The following PDK2 variants were observed in gnomAD, a reference collection of about 807,000 sequenced individuals.
PDK2 encodes pyruvate dehydrogenase kinase 2.
Under a neutral mutation model 50.4 loss-of-function variants are expected in PDK2, and 34 were observed. That is an observed-to-expected ratio of 0.68 (90% CI 0.51 to 0.90). The LOEUF is 0.90. Among genes scored for constraint, PDK2 ranks in the 40% least tolerant of loss-of-function variants. PDK2 has a pLI of 0.00. For synonymous variants in PDK2, 232 were observed against 216.0 expected, an observed-to-expected ratio of 1.07 and a Z score of -0.65; for missense variants, 377 against 544.5, an observed-to-expected ratio of 0.69 and a Z score of 3.06.
At position 50,097,788 on chromosome 17, in the gene PDK2, C is replaced by T. The variant is rs138563649; in HGVS notation, c.260+224C>T. 227 of 489,784 alleles carry T rather than the reference C, an allele frequency of 4.6e-4. 1 individual carries two copies. Among genetic ancestry groups the T allele is most frequent in the African/African-American group, 3.6e-3 (190 of 52,278 alleles). The allele number at this position is 489,784 out of a possible 1,614,324, so 30.3% of individuals were successfully genotyped here. The stretch of plus-strand genomic sequence containing the variant: ...TCTCTGTGTCTAGCCCTCTTCTTAC[C>T]ACCCACCTTTCTCTGGAAACACAGG... On this transcript the variant is annotated intron_variant, in intron 2 of 10. Transcript: ENST00000503176.
At chr17:50,105,307 G>T in intron 2 of PDK2, 64 bp from the exon 3 acceptor site, 1 of 1,238,644 alleles carries the variant, frequency 8.1e-7, no homozygotes, top group Admixed American at 2.4e-5. Flanking sequence ...CCAGTTGAAT[G>T]AAGTGGGTGA....
rs375602955 is a variant in PDK2, at chr17:50,111,665, C to G, written c.*1568C>G. 1.6e-4 allele frequency: 24 copies of G among 152,290 alleles called. No homozygotes were observed. Among genetic ancestry groups the G allele is most frequent in the African/African-American group, 5.5e-4 (23 of 41,448 alleles). 9.4% of individuals were successfully genotyped at this position (152,290 alleles called of 1,614,324 possible). ...AGCTGGAGGGGTTTCCAAGCGGGAG[C>G]CCCCAGGCCTCATCGGTAACTCTGA... On this transcript the variant is annotated 3_prime_UTR_variant, in exon 11 of 11. Coordinates refer to ENST00000503176, the MANE Select transcript of PDK2 (RefSeq NM_002611.5).
Position 50,106,673 on chromosome 17 carries a change from A to G in PDK2, c.518-121A>G, listed in dbSNP as rs1910532961. The G allele has an allele frequency of 1.3e-5, 10 of 798,382 alleles. No homozygotes were observed. In the South Asian group the frequency reaches 1.6e-4, roughly 13 times the overall value. 49.5% of individuals were successfully genotyped at this position (798,382 alleles called of 1,614,324 possible). On this transcript the variant is annotated intron_variant, in intron 4 of 10. Coordinates refer to ENST00000503176, the MANE Select transcript of PDK2 (RefSeq NM_002611.5). ...AGAAGCGGGGGAGTGGGGCAGCTTTAGGACTGGAGCCTACAGAGGCATTGG... is the reference window on the plus strand; with the variant it reads ...AGAAGCGGGGGAGTGGGGCAGCTTTGGGACTGGAGCCTACAGAGGCATTGG...
Position 50,105,889 on chromosome 17 carries a change from A to G in PDK2, c.337A>G (p.Thr113Ala). ...AACATCTGCCCTGCCCCACAGGTTC[A>G]CTGACGCCCTGGTCACCATCCGGAA... ...PEDHRTLSQFTDALVTIRNRH... is the reference protein window; with the variant it reads ...PEDHRTLSQFADALVTIRNRH... Residue 113 changes from threonine (T) to alanine (A), a missense_variant, in exon 4 of 11, where the codon ACT becomes GCT. Coordinates refer to ENST00000503176, the MANE Select transcript of PDK2 (RefSeq NM_002611.5). 2.5e-6 allele frequency: 4 copies of G among 1,613,248 alleles called. No homozygotes were observed. Among genetic ancestry groups the G allele is most frequent in the East Asian group, 2.2e-5 (1 of 44,846 alleles).
chr17:50,102,342 C>T (rs910559938), intron 2 of PDK2, among the ~76,000 whole-genome samples: 18 of 152,212 alleles, frequency 1.2e-4, no homozygotes, highest in Non-Finnish European at 1.5e-4. Context: ...GCCACGTGAC[C>T]AGGCCCCATT....
chr17:50,108,930 C>T (rs1297490812), intron 9 of PDK2, among the ~76,000 whole-genome samples: 1 of 152,148 alleles, frequency 6.6e-6, no homozygotes, highest in East Asian at 1.9e-4. Flanking sequence ...CATCTTCCCT[C>T]TCTTCTGTAG....
intron 5 of PDK2, 28 bp downstream of exon 5, chr17:50,106,911 GCA>G: frequency 6.3e-7 from 1 of 1,597,150 alleles, no homozygotes; most frequent in Non-Finnish European, 8.6e-7. Context: ...TGCCTGGCCC[GCA>G]GAGAAGCCCC....
Position 50,109,966 on chromosome 17 carries a change from A to T in PDK2, c.1093A>T (p.Thr365Ser). ...DAVIYLKALS[T>S]DSVERLPVYN... ...CCCTGACACTCCCCAGGCCCTGTCCACGGACTCGGTGGAGCGCCTGCCTGT... is the reference window on the plus strand; with the variant it reads ...CCCTGACACTCCCCAGGCCCTGTCCTCGGACTCGGTGGAGCGCCTGCCTGT... Residue 365 changes from threonine to serine, a missense_variant, in exon 11 of 11, where the codon ACG (threonine) becomes TCG (serine). Physicochemically the swap from Thr to Ser is moderately conservative, Grantham distance 58. Coordinates refer to ENST00000503176, the MANE Select transcript of PDK2 (RefSeq NM_002611.5). This position sits in a 1 kb window ranked among gnomAD's most constrained non-coding sequence, Gnocchi z 5.0. 2 of 1,568,420 alleles carry T rather than the reference A, an allele frequency of 1.3e-6. No homozygotes were observed. Among genetic ancestry groups the T allele is most frequent in the Non-Finnish European group, 1.7e-6 (2 of 1,156,022 alleles).
Position 50,109,363 on chromosome 17 carries a change from T to C in PDK2, c.1046T>C (p.Met349Thr), listed in dbSNP as rs1248422088. 1 of 1,613,482 alleles carries C rather than the reference T, an allele frequency of 6.2e-7. No homozygotes were observed. Among genetic ancestry groups the C allele is most frequent in the South Asian group, 1.1e-5 (1 of 91,018 alleles). ...CAGGGAGACCTGCAGCTCTTCTCCA[T>C]GGAAGGCTTTGGGACCGATGCTGTC... is the stretch of plus-strand genomic sequence containing the variant. ...YFQGDLQLFS[M>T]EGFGTDAVIY... Residue 349 changes from methionine to threonine, a missense_variant, in exon 10 of 11, where the codon ATG becomes ACG. Physicochemically the swap from Met to Thr is moderately conservative, Grantham distance 81. Transcript: ENST00000503176. The surrounding 1 kb of genome is among the most constrained non-coding windows in gnomAD (Gnocchi z 5.0).
At position 50,095,468 on chromosome 17, in the gene PDK2, G is replaced by A; in HGVS notation, c.33G>A (p.Ala11=). 1 of 1,604,858 alleles carries A rather than the reference G, an allele frequency of 6.2e-7. No homozygotes were observed. The highest frequency in any genetic ancestry group is 8.5e-7 in the Non-Finnish European group (1 of 1,176,172). Residue 11 remains alanine (A), a synonymous_variant, in exon 1 of 11, where the codon GCG becomes GCA. Transcript: ENST00000503176. ...GGGTGTGGGCGCTGCTGAAGAATGC[G>A]TCCCTGGCAGGGGCGCCCAAGTACA... The part of the protein sequence containing the change: MRWVWALLKN[A]SLAGAPKYIE...
chr17:50,095,403 G>A lies in PDK2; in HGVS notation c.-33G>A, dbSNP rs1191429189. 1 of 1,504,768 alleles carries A rather than the reference G, an allele frequency of 6.6e-7. No homozygotes were observed. Among genetic ancestry groups the A allele is most frequent in the East Asian group, 2.3e-5 (1 of 42,716 alleles). 93.2% of individuals were successfully genotyped at this position (1,504,768 alleles called of 1,614,324 possible). A position where few individuals can be genotyped will look rare whatever the true frequency, so the allele number is the denominator to read the frequency against. ...AAGGTGCGCGAGCGCTGCCCGCGCG[G>A]GGACCACAACCAAAGTCGCGGCCGC... On this transcript the variant is annotated 5_prime_UTR_variant, in exon 1 of 11. Transcript: ENST00000503176.
chr17:50,108,548 G>A (rs1456746019), intron 8 of PDK2, 64 bp from the exon 9 acceptor site: 17 of 1,400,200 alleles, frequency 1.2e-5, no homozygotes, highest in East Asian at 2.3e-5. Flanking sequence ...AGAAGGTCAG[G>A]GGTATTGGGC....
chr17:50,100,121 T>A (rs927700148), intron 2 of PDK2, among the ~76,000 whole-genome samples: 1 of 152,024 alleles, frequency 6.6e-6, no homozygotes, highest in Admixed American at 6.5e-5. Context: ...GTTTGATGAG[T>A]AAGAAGCAAA....
At chr17:50,108,054 T>G in intron 6 of PDK2, 102 bp from the exon 7 acceptor site, 1 of 877,402 alleles carries the variant, frequency 1.1e-6, no homozygotes, top group Non-Finnish European at 1.9e-6. Flanking sequence ...TGGGCAGCCA[T>G]GTACTCAGAA....
At chr17:50,107,665 TG>T (rs1910585704) in intron 6 of PDK2, among the ~76,000 whole-genome samples, 1 of 152,250 alleles carries the variant, frequency 6.6e-6, no homozygotes. Context: ...CTTACATTTT[TG>T]GTGCTAGGGA....
At chr17:50,105,742 G>A (rs990191465) in intron 3 of PDK2, 143 bp from the exon 4 acceptor site, 8 of 1,177,218 alleles carry the variant, frequency 6.8e-6, no homozygotes, top group African/African-American at 6.1e-5. Flanking sequence ...AAAGATCAGA[G>A]TGGGCTTTGG....
chr17:50,111,445 C>T lies in PDK2; in HGVS notation c.*1348C>T, dbSNP rs1910836162. ...GCCTTCCAACCTCCCATGGCCCTGC[C>T]ACCAGGCCCAGATGGTGCCAGTGTC... On this transcript the variant is annotated 3_prime_UTR_variant, in exon 11 of 11. Transcript: ENST00000503176. 6.6e-6 allele frequency: 1 copy of T among 152,306 alleles called. No homozygotes were observed. The highest frequency in any genetic ancestry group is 2.4e-5 in the African/African-American group (1 of 41,460). The allele number at this position is 152,306 out of a possible 1,614,324, so 9.4% of individuals were successfully genotyped here.
chr17:50,107,146 G>A lies in PDK2; in HGVS notation c.678G>A (p.Glu226=), dbSNP rs749582837. 13 of 1,613,576 alleles carry A rather than the reference G, an allele frequency of 8.1e-6. No homozygotes were observed. In the South Asian group the frequency reaches 1.4e-4, roughly 18 times the overall value. The change falls in exon 6 of 11, where the codon GAG becomes GAA. Residue 226 remains glutamate, a synonymous_variant. Coordinates refer to ENST00000503176, the MANE Select transcript of PDK2 (RefSeq NM_002611.5). ...YMASPDLEIQ[E]INAANSKQPI... ...CCTCACCTGACCTGGAGATCCAGGA[G>A]ATCAATGGTGAGTGAGCGGGGCTGT...
intron 7 of PDK2, 41 bp downstream of exon 7, chr17:50,108,273 T>C: frequency 6.2e-7 from 1 of 1,605,838 alleles, no homozygotes; most frequent in Non-Finnish European, 8.5e-7. Context: ...GGAGCGTGAG[T>C]AGGGCTGGCT....
Sources: gnomAD v4.1 joint callset for allele counts (sites outside exome capture counted in the v4.1 genomes callset) on GRCh38, gnomAD v4.1.1 for gene constraint, Gnocchi (gnomAD v3.1) non-coding constraint, MANE v1.5 for transcripts, NCBI Gene and HGNC (gene_info 2026-07-23, HGNC 2026-07-21) for gene names.